The following CPQ variants were observed in gnomAD, a reference collection of about 807,000 sequenced individuals.
The protein encoded by CPQ is Ser-Met dipeptidase.
CPQ carries 37 observed loss-of-function variants against 45.7 expected under a neutral mutation model. The ratio of observed to expected loss-of-function variants is 0.81; its 90% CI spans 0.62 to 1.07. The LOEUF (loss-of-function observed/expected upper bound fraction) is 1.07, where lower values mean the gene tolerates loss of function less well. Among genes scored for constraint, CPQ ranks in the 50% least tolerant of loss-of-function variants. The pLI, the probability that CPQ is intolerant of heterozygous loss-of-function variation, is 0.00. For missense variants in CPQ, 537 were observed against 572.9 expected (o/e 0.94, Z 0.64); for synonymous variants, 186 against 205.8 (o/e 0.90, Z 0.82).
chr8:96,673,649 C>T (rs1027870128), intron 1 of CPQ, among the ~76,000 whole-genome samples: 6 of 152,048 alleles, frequency 3.9e-5, no homozygotes, highest in Non-Finnish European at 7.4e-5. Context: ...TGCCTCCTGG[C>T]GCTATTCTCC....
intron 1 of CPQ, among the ~76,000 whole-genome samples, chr8:96,744,259 C>G (rs1378510268): frequency 6.6e-6 from 1 of 152,252 alleles, no homozygotes; most frequent in Non-Finnish European, 1.5e-5. Context: ...TCTGTCACCA[C>G]TTTCTTTGAC....
At chr8:96,789,030 A>G (rs970129750) in intron 2 of CPQ, among the ~76,000 whole-genome samples, 4 of 151,988 alleles carry the variant, frequency 2.6e-5, no homozygotes, top group Admixed American at 2.6e-4. Context: ...ATTTGATGAG[A>G]TGTTGTCATC....
chr8:96,725,116 A>G (rs1427593034), intron 1 of CPQ, among the ~76,000 whole-genome samples: 2 of 152,234 alleles, frequency 1.3e-5, no homozygotes, highest in African/African-American at 4.8e-5. Flanking sequence ...TAAGGCCTCA[A>G]ACTGTAAAAG....
intron 6 of CPQ, among the ~76,000 whole-genome samples, chr8:97,052,677 T>C (rs947400943): frequency 2.6e-5 from 4 of 152,198 alleles, no homozygotes; most frequent in Non-Finnish European, 5.9e-5. Flanking sequence ...ACATATAGTC[T>C]ACTGAGAATA....
At chr8:97,114,449 G>A (rs1811548889) in intron 7 of CPQ, among the ~76,000 whole-genome samples, 1 of 152,178 alleles carries the variant, frequency 6.6e-6, no homozygotes, top group South Asian at 2.1e-4. Flanking sequence ...ATGTTTTCAG[G>A]ATTAAGTGAG....
At chr8:96,983,828 C>CT (rs77058864) in intron 5 of CPQ, among the ~76,000 whole-genome samples, 1,814 of 137,904 alleles carry the variant, frequency 0.013, 30 homozygotes, top group African/African-American at 0.04. Context: ...TTTTTGGTTA[C>CT]TTTTTTTTTT....
intron 5 of CPQ, among the ~76,000 whole-genome samples, chr8:97,027,899 G>T (rs530997582): frequency 6.6e-6 from 1 of 152,294 alleles, no homozygotes; most frequent in African/African-American, 2.4e-5. Context: ...CTTTTACAAA[G>T]ACCCTCCTGG....
At chr8:96,823,037 G>A (rs183106419) in intron 2 of CPQ, among the ~76,000 whole-genome samples, 52 of 152,108 alleles carry the variant, frequency 3.4e-4, no homozygotes, top group Non-Finnish European at 3.4e-4. Context: ...CTGTCCAGAT[G>A]TTCCTTTCCA....
At position 96,905,863 on chromosome 8, in the gene CPQ, T is replaced by C. The variant is rs560881023; in HGVS notation, c.849+25858T>C. On this transcript the variant is annotated intron_variant, in intron 4 of 7. Transcript: ENST00000220763. ...TAGTAAAAAATTGGATAAGTTTGGG[T>C]ACTTGGGCAGACAGAAAGTTGAAAA... Among the ~76,000 whole-genome samples the C allele has an allele frequency of 4.2e-4, 63 of 151,552 alleles. 1 individual carries two copies. The highest frequency in any genetic ancestry group is 6.6e-4 in the Admixed American group (10 of 15,184).
At chr8:97,034,161 T>C (rs1809957917) in intron 6 of CPQ, among the ~76,000 whole-genome samples, 1 of 152,194 alleles carries the variant, frequency 6.6e-6, no homozygotes, top group Admixed American at 6.5e-5. Flanking sequence ...TATTATAATG[T>C]CTAAAACACT....
At chr8:96,708,437 GTATA>G (rs71512449) in intron 1 of CPQ, among the ~76,000 whole-genome samples, 93 of 109,754 alleles carry the variant, frequency 8.5e-4, no homozygotes, top group African/African-American at 8.3e-4. Context: ...GTGTGTGTGT[GTATA>G]TATATATATA....
intron 4 of CPQ, among the ~76,000 whole-genome samples, chr8:96,961,160 AC>A (rs1401474149): frequency 6.6e-6 from 1 of 152,164 alleles, no homozygotes; most frequent in Non-Finnish European, 1.5e-5. Flanking sequence ...TTCTGCTTCT[AC>A]CAGGAGTGGA....
At chr8:97,102,927 G>A (rs1811338811) in intron 7 of CPQ, among the ~76,000 whole-genome samples, 1 of 152,152 alleles carries the variant, frequency 6.6e-6, no homozygotes, top group Non-Finnish European at 1.5e-5. Context: ...TAAAGTTAGG[G>A]TGTTAGTAGA....
intron 3 of CPQ, among the ~76,000 whole-genome samples, chr8:96,857,563 T>C (rs900142186): frequency 8.5e-5 from 13 of 152,232 alleles, no homozygotes; most frequent in African/African-American, 3.1e-4. Context: ...AAGTGTGGAA[T>C]GCTTGAATAG....
chr8:96,882,977 AGCTATAGTTG>A (rs1391701988), intron 4 of CPQ, among the ~76,000 whole-genome samples: 1 of 152,038 alleles, frequency 6.6e-6, no homozygotes, highest in Admixed American at 6.6e-5. Context: ...TCCTTTCTAG[AGCTATAGTTG>A]TTTTTTAAAT....
intron 1 of CPQ, among the ~76,000 whole-genome samples, chr8:96,698,528 A>G (rs945689098): frequency 2.6e-5 from 4 of 152,134 alleles, no homozygotes; most frequent in Non-Finnish European, 1.5e-5. Flanking sequence ...ATGCTTGTGC[A>G]TAGCAAAGGA....
At chr8:96,780,439 G>C (rs928187033) in intron 1 of CPQ, among the ~76,000 whole-genome samples, 3 of 152,142 alleles carry the variant, frequency 2.0e-5, no homozygotes, top group Admixed American at 1.3e-4. Context: ...AGAACAGCGT[G>C]AAGTTCAATG....
chr8:96,841,103 A>G (rs1811602373), intron 3 of CPQ, among the ~76,000 whole-genome samples: 1 of 152,132 alleles, frequency 6.6e-6, no homozygotes, highest in Non-Finnish European at 1.5e-5. Context: ...CCCTGCTCTA[A>G]GGATCCCAGC....
rs138109743 is a variant in CPQ at position 97,040,617 on chromosome 8, T to G, written c.1053+11123T>G. On this transcript the variant is annotated intron_variant, in intron 6 of 7. Coordinates refer to ENST00000220763, the MANE Select transcript of CPQ (RefSeq NM_016134.4). The stretch of plus-strand genomic sequence containing the variant: ...TCTTCTAGGGTTGTTATGGTTTTAG[T>G]TCTAACGTTTAAGTCTTTAATCCAT... Among the ~76,000 whole-genome samples, 217 of 152,312 alleles carry G rather than the reference T, an allele frequency of 1.4e-3. 3 individuals carry two copies. The East Asian group carries it at 0.028, about 20-fold the overall frequency.
Sources: allele counts gnomAD v4.1 joint callset (sites outside exome capture counted in the v4.1 genomes callset), GRCh38; gene constraint gnomAD v4.1.1; transcripts MANE v1.5; gene names NCBI Gene and HGNC (gene_info 2026-07-23, HGNC 2026-07-21).